BMP6: variants seen among roughly 807,000 people sequenced by gnomAD.
The protein encoded by BMP6 is bone morphogenetic protein 6, also known as VG-1-R.
Under a neutral mutation model 54.1 loss-of-function variants are expected in BMP6, and 17 were observed. That is an observed-to-expected ratio of 0.31 (90% confidence interval 0.22 to 0.47). The LOEUF is 0.47. Among genes scored for constraint, BMP6 ranks in the 20% least tolerant of loss-of-function variants. The probability of loss-of-function intolerance (pLI) is 1.00; values close to 1 mark genes in which losing one functional copy is unlikely to be tolerated. For synonymous variants in BMP6, 328 were observed against 291.2 expected, an observed-to-expected ratio of 1.13 and a Z score of -1.28; for missense variants, 720 against 690.4, an observed-to-expected ratio of 1.04 and a Z score of -0.48.
At chr6:7,859,553 G>A (rs548803701) in intron 2 of BMP6, among the ~76,000 whole-genome samples, 2 of 152,232 alleles carry the variant, frequency 1.3e-5, no homozygotes, top group South Asian at 2.1e-4. Flanking sequence ...TGTCTGTACT[G>A]TCTGTGTTAT....
intron 1 of BMP6, among the ~76,000 whole-genome samples, chr6:7,814,742 T>C (rs2113216090): frequency 6.6e-6 from 1 of 152,210 alleles, no homozygotes; most frequent in African/African-American, 2.4e-5. Flanking sequence ...CCTCAATCAG[T>C]AATAACTAAT....
chr6:7,870,294 C>T (rs1162110630), intron 4 of BMP6, among the ~76,000 whole-genome samples: 6 of 152,230 alleles, frequency 3.9e-5, no homozygotes, highest in African/African-American at 1.4e-4. Flanking sequence ...AAATGGCAGG[C>T]ACTTCCACAT....
intron 1 of BMP6, among the ~76,000 whole-genome samples, chr6:7,729,373 T>C (rs1286439090): frequency 6.6e-6 from 1 of 150,632 alleles, no homozygotes; most frequent in Non-Finnish European, 1.5e-5. Context: ...GGAAATGTTT[T>C]ATTGCCTCTT....
At chr6:7,737,167 C>CA (rs535897369) in intron 1 of BMP6, among the ~76,000 whole-genome samples, 23 of 150,748 alleles carry the variant, frequency 1.5e-4, no homozygotes, top group African/African-American at 2.2e-4. Flanking sequence ...GCCGGAGTGA[C>CA]AAAGCGAGAC....
intron 1 of BMP6, among the ~76,000 whole-genome samples, chr6:7,838,322 G>A (rs970437179): frequency 1.3e-5 from 2 of 152,140 alleles, no homozygotes; most frequent in African/African-American, 4.8e-5. Flanking sequence ...ACTATTCACG[G>A]TTTCAGGCAT....
chr6:7,813,051 A>T (rs1253013339), intron 1 of BMP6, among the ~76,000 whole-genome samples: 1 of 131,344 alleles, frequency 7.6e-6, no homozygotes, highest in African/African-American at 2.9e-5. Flanking sequence ...GGTATTCAAG[A>T]TCAGCCTGAG....
chr6:7,795,901 C>A (rs1758183959), intron 1 of BMP6, among the ~76,000 whole-genome samples: 3 of 151,894 alleles, frequency 2.0e-5, no homozygotes, highest in Admixed American at 6.6e-5. Context: ...GAGTGAGGAG[C>A]AAAAGTAGAT....
At chr6:7,755,364 C>T (rs1476622091) in intron 1 of BMP6, among the ~76,000 whole-genome samples, 1 of 152,084 alleles carries the variant, frequency 6.6e-6, no homozygotes, top group Non-Finnish European at 1.5e-5. Flanking sequence ...AGTAGTTGCT[C>T]TAAGGTTTAT....
intron 1 of BMP6, among the ~76,000 whole-genome samples, chr6:7,807,681 A>T (rs571160923): frequency 6.6e-6 from 1 of 152,286 alleles, no homozygotes; most frequent in South Asian, 2.1e-4. Context: ...CTGGCCCTCC[A>T]GGTGGTTCTA....
chr6:7,805,636 T>G (rs895181641), intron 1 of BMP6, among the ~76,000 whole-genome samples: 4 of 152,212 alleles, frequency 2.6e-5, no homozygotes, highest in Admixed American at 6.5e-5. Flanking sequence ...CAGAAATGAA[T>G]GTGAATCAAC....
intron 4 of BMP6, among the ~76,000 whole-genome samples, chr6:7,872,603 T>A (rs1759545876): frequency 6.6e-6 from 1 of 152,166 alleles, no homozygotes; most frequent in Admixed American, 6.5e-5. Flanking sequence ...TTGTTGAGCA[T>A]TGAGAGAGTC....
intron 3 of BMP6, 72 bp downstream of exon 3, chr6:7,861,671 T>C (rs534482700): frequency 6.3e-7 from 1 of 1,579,378 alleles, no homozygotes; most frequent in African/African-American, 1.3e-5. Flanking sequence ...ACAGCAGTTG[T>C]GATAGAACCG....
intron 1 of BMP6, among the ~76,000 whole-genome samples, chr6:7,759,108 A>G (rs10498670): frequency 0.12 from 18,492 of 152,258 alleles, 1,399 homozygotes; most frequent in East Asian, 0.3. Flanking sequence ...CCCTTAAAGA[A>G]TATCTTGCCG....
chr6:7,796,254 C>A (rs1258039200), intron 1 of BMP6, among the ~76,000 whole-genome samples: 1 of 152,138 alleles, frequency 6.6e-6, no homozygotes, highest in East Asian at 1.9e-4. Context: ...GCAGAGAAGT[C>A]CTTAAAAAGA....
intron 1 of BMP6, among the ~76,000 whole-genome samples, chr6:7,742,153 G>C (rs1757275581): frequency 6.6e-6 from 1 of 152,208 alleles, no homozygotes; most frequent in Non-Finnish European, 1.5e-5. Flanking sequence ...GTTATAAAAA[G>C]GGAAAAGAGA....
intron 1 of BMP6, among the ~76,000 whole-genome samples, chr6:7,819,689 C>G (rs773567611): frequency 4.6e-5 from 7 of 152,144 alleles, no homozygotes; most frequent in Non-Finnish European, 8.8e-5. Context: ...TTTTTTCCCT[C>G]CAGTTACCAT....
At chr6:7,766,014 C>T (rs555966112) in intron 1 of BMP6, among the ~76,000 whole-genome samples, 2 of 152,268 alleles carry the variant, frequency 1.3e-5, no homozygotes, top group East Asian at 3.9e-4. Context: ...AAAATCTTAC[C>T]TTAAGCATTC....
Position 7,727,297 on chromosome 6 carries a change from G to GCAGGAGGAGCAGCAT in BMP6, c.345_346insGAGGAGCAGCATCAG (p.Gln115_Gln116insGluGluGlnHisGln). ...CGCTCCGGCAGCAGGAGGAGCAGCA[G>GCAGGAGGAGCAGCAT]CAGCAGCAGCAGCTGCCTCGCGGAG... On this transcript the variant is annotated inframe_insertion, in exon 1 of 7. Transcript: ENST00000283147. The GCAGGAGGAGCAGCAT allele has an allele frequency of 6.2e-7, 1 of 1,606,906 alleles. No individual in the cohort carries two copies. Among genetic ancestry groups the GCAGGAGGAGCAGCAT allele is most frequent in the Middle Eastern group, 1.7e-4 (1 of 6,012 alleles).
At chr6:7,772,016 T>A (rs1757795987) in intron 1 of BMP6, among the ~76,000 whole-genome samples, 1 of 150,702 alleles carries the variant, frequency 6.6e-6, no homozygotes, top group African/African-American at 2.4e-5. Flanking sequence ...ATTGTGCGAT[T>A]GCACTCCAGC....
Sources: allele counts gnomAD v4.1 joint callset (sites outside exome capture counted in the v4.1 genomes callset), GRCh38; gene constraint gnomAD v4.1.1; transcripts MANE v1.5; gene names NCBI Gene and HGNC (gene_info 2026-07-23, HGNC 2026-07-21).